The following MBNL1 variants were observed in gnomAD, a reference collection of about 807,000 sequenced individuals.
MBNL1 encodes the protein muscleblind like splicing regulator 1.
In MBNL1, 8 loss-of-function variants were observed where a neutral mutation model predicts 42.2. The ratio of observed to expected loss-of-function variants is 0.19; its 90% CI spans 0.11 to 0.34. The LOEUF (loss-of-function observed/expected upper bound fraction) is 0.34, where lower values mean the gene tolerates loss of function less well. Ranked by LOEUF, MBNL1 falls within the 10% of genes least tolerant of loss-of-function variation. The pLI is 1.00. For synonymous variants in MBNL1, 169 were observed against 173.9 expected (o/e 0.97, Z 0.22); for missense variants, 309 against 495.3 (o/e 0.62, Z 3.57).
At chr3:152,332,813 T>G (rs2086193732) in intron 2 of MBNL1, among the ~76,000 whole-genome samples, 1 of 151,738 alleles carries the variant, frequency 6.6e-6, no homozygotes, top group South Asian at 2.1e-4. Context: ...CCAAAATTAG[T>G]CCAGAGAGTT....
chr3:152,436,458 A>G (rs1169599282), intron 4 of MBNL1, among the ~76,000 whole-genome samples: 1 of 152,220 alleles, frequency 6.6e-6, no homozygotes, highest in Non-Finnish European at 1.5e-5. Flanking sequence ...AGATGGATTA[A>G]GAGGAAACTT....
At chr3:152,319,260 AT>A (rs1265272223) in intron 2 of MBNL1, among the ~76,000 whole-genome samples, 1 of 152,038 alleles carries the variant, frequency 6.6e-6, no homozygotes, top group Non-Finnish European at 1.5e-5. Context: ...TTTAGAGATG[AT>A]TTTTTCCTTT....
intron 2 of MBNL1, among the ~76,000 whole-genome samples, chr3:152,407,954 C>A (rs1560476691): frequency 6.6e-6 from 1 of 151,926 alleles, no homozygotes; most frequent in African/African-American, 2.4e-5. Context: ...ACGAGGGGAA[C>A]AACATACACT....
At chr3:152,452,393 C>T (rs947586245) in intron 6 of MBNL1, among the ~76,000 whole-genome samples, 8 of 152,178 alleles carry the variant, frequency 5.3e-5, no homozygotes, top group Admixed American at 1.3e-4. Context: ...GGACTACATG[C>T]CCCAGCTCCC....
At chr3:152,406,894 GA>G (rs1444131396) in intron 2 of MBNL1, among the ~76,000 whole-genome samples, 18 of 152,104 alleles carry the variant, frequency 1.2e-4, no homozygotes, top group African/African-American at 3.9e-4. Context: ...ATGCACTGAT[GA>G]AAAAATGTTT....
chr3:152,369,486 CTCTGGAGGTT>C (rs1313858822), intron 2 of MBNL1, among the ~76,000 whole-genome samples: 3 of 151,990 alleles, frequency 2.0e-5, no homozygotes, highest in Non-Finnish European at 4.4e-5. Context: ...TTTGTTGTGT[CTCTGGAGGTT>C]TTTGGTATCA....
In MBNL1 at chr3:152,289,788, G is replaced by A. The variant is rs145372530; in HGVS notation, c.-789-9617G>A. ...TGTTAAAGTGTGTAGCACCTATGTGGCTTGAGTATTTGTAAGTTTGGAATA... is the reference window on the plus strand; with the variant it reads ...TGTTAAAGTGTGTAGCACCTATGTGACTTGAGTATTTGTAAGTTTGGAATA... On this transcript the variant is annotated intron_variant, in intron 1 of 9. Transcript: ENST00000324210. 2.3e-3 allele frequency among the ~76,000 whole-genome samples: 344 copies of A among 152,196 alleles called. 3 individuals carry two copies. The highest frequency in any genetic ancestry group is 7.8e-3 in the African/African-American group (326 of 41,552).
intron 2 of MBNL1, among the ~76,000 whole-genome samples, chr3:152,373,292 G>A (rs566178745): frequency 1.1e-4 from 16 of 148,684 alleles, no homozygotes; most frequent in African/African-American, 3.5e-4. Context: ...TCCCTTTCCA[G>A]GAGAGTGAAC....
intron 2 of MBNL1, among the ~76,000 whole-genome samples, chr3:152,328,092 A>G (rs936421116): frequency 1.2e-4 from 18 of 152,082 alleles, no homozygotes; most frequent in Non-Finnish European, 1.8e-4. Context: ...TTTGACTTCT[A>G]TTTTCAGTAA....
chr3:152,367,686 A>G (rs1372053395), intron 2 of MBNL1, among the ~76,000 whole-genome samples: 2 of 152,102 alleles, frequency 1.3e-5, no homozygotes, highest in East Asian at 3.9e-4. Flanking sequence ...CCTCTCCAAC[A>G]TCTGTTGTTT....
chr3:152,461,466 G>T (rs1213144852), intron 9 of MBNL1, among the ~76,000 whole-genome samples: 2 of 152,080 alleles, frequency 1.3e-5, no homozygotes, highest in Admixed American at 1.3e-4. Context: ...TCAATTAGGT[G>T]TGTTTGGTAT....
intron 1 of MBNL1, among the ~76,000 whole-genome samples, chr3:152,297,620 C>T (rs767162599): frequency 9.9e-5 from 15 of 151,998 alleles, no homozygotes; most frequent in African/African-American, 3.6e-4. Flanking sequence ...TCCCAAAGTG[C>T]TGGGATTACA....
At chr3:152,268,785 G>A (rs569560772), upstream of MBNL1, 120 of 454,544 alleles carry the variant, frequency 2.6e-4, no homozygotes, top group South Asian at 1.8e-3. Context: ...AAGTTGAAGA[G>A]CGTTTTTCTC....
chr3:152,367,270 A>G (rs1336477731), intron 2 of MBNL1, among the ~76,000 whole-genome samples: 1 of 151,132 alleles, frequency 6.6e-6, no homozygotes, highest in East Asian at 1.9e-4. Context: ...GAGTTAGAAC[A>G]TGTGGTGTTT....
intron 2 of MBNL1, among the ~76,000 whole-genome samples, chr3:152,348,570 T>C (rs2094562114): frequency 6.6e-6 from 1 of 152,126 alleles, no homozygotes; most frequent in African/African-American, 2.4e-5. Context: ...TTACTCTACA[T>C]TTACAGAGCT....
intron 1 of MBNL1, among the ~76,000 whole-genome samples, chr3:152,292,498 C>T (rs539236936): frequency 1.3e-5 from 2 of 152,320 alleles, no homozygotes; most frequent in South Asian, 2.1e-4. Context: ...ACTGCTTCGA[C>T]AGAGCTTAGA....
chr3:152,335,053 A>C, intron 2 of MBNL1: 1 of 1,240,072 alleles, frequency 8.1e-7, no homozygotes, highest in Non-Finnish European at 1.0e-6. Context: ...GCTGCTGCTA[A>C]TATTGCTGGG....
At chr3:152,386,212 A>G (rs1004487383) in intron 2 of MBNL1, among the ~76,000 whole-genome samples, 2 of 152,038 alleles carry the variant, frequency 1.3e-5, no homozygotes, top group Admixed American at 1.3e-4. Context: ...ATAATCTATG[A>G]AAAAATTCAA....
At chr3:152,389,337 C>T (rs779344677) in intron 2 of MBNL1, among the ~76,000 whole-genome samples, 1 of 152,188 alleles carries the variant, frequency 6.6e-6, no homozygotes, top group African/African-American at 2.4e-5. Flanking sequence ...GATCCACCCA[C>T]CTCAGCCTCC....
Sources: gnomAD v4.1 joint callset for allele counts (sites outside exome capture counted in the v4.1 genomes callset) on GRCh38, gnomAD v4.1.1 for gene constraint, MANE v1.5 for transcripts, NCBI Gene and HGNC (gene_info 2026-07-23, HGNC 2026-07-21) for gene names.